Variants in FAT3 observed in about 807,000 individuals in gnomAD.
FAT3 encodes the protein FAT atypical cadherin 3.
FAT3 carries 95 observed loss-of-function variants against 310.2 expected under a neutral mutation model. The ratio of observed to expected loss-of-function variants is 0.31; its 90% CI spans 0.26 to 0.36. The LOEUF is 0.36. Among genes scored for constraint, FAT3 ranks in the 10% least tolerant of loss-of-function variants. The probability of loss-of-function intolerance (pLI) is 1.00; values close to 1 mark genes in which losing one functional copy is unlikely to be tolerated. For synonymous variants in FAT3, 2,314 were observed against 2,192.9 expected, an observed-to-expected ratio of 1.06 and a Z score of -1.54; for missense variants, 5,408 against 5,715.6, an observed-to-expected ratio of 0.95 and a Z score of 1.74.
chr11:92,889,467 C>G (rs1370517074), intron 26 of FAT3, among the ~76,000 whole-genome samples: 3 of 151,814 alleles, frequency 2.0e-5, no homozygotes, highest in Admixed American at 1.3e-4. Flanking sequence ...TATAAAATCC[C>G]TTTCAAGAAA....
intron 4 of FAT3, among the ~76,000 whole-genome samples, chr11:92,733,764 G>GC (rs1456663482): frequency 1.3e-5 from 2 of 152,194 alleles, no homozygotes; most frequent in African/African-American, 4.8e-5. Flanking sequence ...TGAGACCTTA[G>GC]ATATATGGGA....
chr11:92,797,483 C>T (rs576129554), intron 9 of FAT3, among the ~76,000 whole-genome samples: 2 of 152,206 alleles, frequency 1.3e-5, no homozygotes, highest in Non-Finnish European at 2.9e-5. Context: ...TGTCTTCTCA[C>T]AAGGCTGGAA....
At chr11:92,562,361 G>A (rs1955257277) in intron 3 of FAT3, among the ~76,000 whole-genome samples, 1 of 151,802 alleles carries the variant, frequency 6.6e-6, no homozygotes, top group Admixed American at 6.6e-5. Context: ...ATTTTCCCTT[G>A]CATATAGAAG....
At chr11:92,514,454 CACCTTGAGCATTTCAGTGATAGGT>C (rs1298601650) in intron 2 of FAT3, among the ~76,000 whole-genome samples, 1 of 152,060 alleles carries the variant, frequency 6.6e-6, no homozygotes, top group East Asian at 1.9e-4. Context: ...CAACATAATC[CACCTTGAGCATTTCAGTGATAGGT>C]AAAAATGTGA....
intron 1 of FAT3, among the ~76,000 whole-genome samples, chr11:92,283,747 G>A (rs1049246735): frequency 6.6e-6 from 1 of 152,086 alleles, no homozygotes; most frequent in Non-Finnish European, 1.5e-5. Flanking sequence ...GATCCACAGG[G>A]TGAATTTGAT....
intron 3 of FAT3, among the ~76,000 whole-genome samples, chr11:92,573,790 C>T (rs1228757730): frequency 2.0e-5 from 3 of 152,056 alleles, no homozygotes; most frequent in African/African-American, 7.2e-5. Flanking sequence ...CCAGAGTGAA[C>T]CAAACCTGCC....
At chr11:92,845,598 A>T (rs758482297) in intron 19 of FAT3, among the ~76,000 whole-genome samples, 89 of 152,326 alleles carry the variant, frequency 5.8e-4, no homozygotes, top group Non-Finnish European at 1.0e-3. Flanking sequence ...ACATGCCCGT[A>T]GTGATCGATG....
chr11:92,472,032 A>T lies in FAT3; in HGVS notation c.3293-52602A>T, dbSNP rs1373174109. ...ATAGACTATTTTTAAAATGCAAAAG[A>T]TTATTAGGTATTATTTTGGGAGTTC... On this transcript the variant is annotated intron_variant, in intron 2 of 27. Coordinates refer to ENST00000525166, the MANE Select transcript of FAT3 (RefSeq NM_001367949.2). Among the ~76,000 whole-genome samples, 5 of 150,512 alleles carry T rather than the reference A, an allele frequency of 3.3e-5. No homozygotes were observed. In the East Asian group the frequency reaches 9.8e-4, roughly 29 times the overall value.
intron 3 of FAT3, among the ~76,000 whole-genome samples, chr11:92,629,110 A>G (rs984352710): frequency 3.9e-5 from 6 of 152,236 alleles, no homozygotes; most frequent in Admixed American, 2.6e-4. Context: ...TGAGATACCA[A>G]CTAAAACTGC....
chr11:92,598,975 C>T (rs1444966529), intron 3 of FAT3, among the ~76,000 whole-genome samples: 1 of 152,160 alleles, frequency 6.6e-6, no homozygotes, highest in Non-Finnish European at 1.5e-5. Flanking sequence ...CCAGCTTGTG[C>T]CCTTTGCTCC....
intron 1 of FAT3, among the ~76,000 whole-genome samples, chr11:92,295,962 G>A (rs1013902218): frequency 1.3e-5 from 2 of 152,092 alleles, no homozygotes; most frequent in Admixed American, 6.6e-5. Context: ...GCCGCCACCA[G>A]GTTTTGGTCA....
intron 3 of FAT3, among the ~76,000 whole-genome samples, chr11:92,623,639 C>G (rs1941191331): frequency 6.6e-6 from 1 of 152,074 alleles, no homozygotes; most frequent in Non-Finnish European, 1.5e-5. Context: ...TTTGTATTGC[C>G]TGCTTTAAAA....
At chr11:92,568,221 T>C (rs1183437894) in intron 3 of FAT3, among the ~76,000 whole-genome samples, 1 of 152,130 alleles carries the variant, frequency 6.6e-6, no homozygotes, top group Admixed American at 6.6e-5. Context: ...GCAATCACAA[T>C]GCATTTTGCA....
chr11:92,655,726 CCT>C (rs1366094057), intron 3 of FAT3, among the ~76,000 whole-genome samples: 5 of 152,138 alleles, frequency 3.3e-5, no homozygotes, highest in Non-Finnish European at 2.9e-5. Flanking sequence ...CTTACCCAAC[CCT>C]CTCTGCCTGT....
At chr11:92,489,470 C>T (rs571241717) in intron 2 of FAT3, among the ~76,000 whole-genome samples, 1 of 152,112 alleles carries the variant, frequency 6.6e-6, no homozygotes, top group Non-Finnish European at 1.5e-5. Flanking sequence ...TATGGAGAGT[C>T]TGTTAGGTTG....
chr11:92,807,629 T>C (rs1947541163), intron 12 of FAT3, among the ~76,000 whole-genome samples: 1 of 152,228 alleles, frequency 6.6e-6, no homozygotes, highest in African/African-American at 2.4e-5. Flanking sequence ...GGAGAATTTT[T>C]CTCACTTTGA....
At chr11:92,310,357 A>G (rs536389695) in intron 1 of FAT3, among the ~76,000 whole-genome samples, 56 of 152,304 alleles carry the variant, frequency 3.7e-4, no homozygotes, top group Non-Finnish European at 6.2e-4. Flanking sequence ...GGGAATACAC[A>G]TGTTGATAAA....
chr11:92,282,010 A>G (rs1473158975), intron 1 of FAT3, among the ~76,000 whole-genome samples: 3 of 151,834 alleles, frequency 2.0e-5, no homozygotes, highest in Non-Finnish European at 4.4e-5. Flanking sequence ...GGTTCCAGCG[A>G]TTCTCCTGCC....
intron 3 of FAT3, among the ~76,000 whole-genome samples, chr11:92,536,166 T>C (rs1397921171): frequency 6.6e-6 from 1 of 151,938 alleles, no homozygotes; most frequent in Non-Finnish European, 1.5e-5. Flanking sequence ...TAAAAATCCA[T>C]AAACTTTATT....
Sources: gnomAD v4.1 joint callset for allele counts (sites outside exome capture counted in the v4.1 genomes callset) on GRCh38, gnomAD v4.1.1 for gene constraint, MANE v1.5 for transcripts, NCBI Gene and HGNC (gene_info 2026-07-23, HGNC 2026-07-21) for gene names.